SRA1: variants seen among roughly 807,000 people sequenced by gnomAD.
SRA1 encodes the protein lncRNA SRA.
Under a neutral mutation model 24.3 loss-of-function variants are expected in SRA1, and 25 were observed. The ratio of observed to expected loss-of-function variants is 1.03; its 90% CI spans 0.75 to 1.43. The LOEUF (loss-of-function observed/expected upper bound fraction) is 1.43. Ranked by LOEUF, SRA1 falls within the 40% of genes most tolerant of loss-of-function variation. SRA1 has a pLI of 0.00. For synonymous variants in SRA1, 104 were observed against 109.5 expected (o/e 0.95, Z 0.31); for missense variants, 303 against 286.6 (o/e 1.06, Z -0.41).
intron 2 of SRA1, among the ~76,000 whole-genome samples, chr5:140,553,362 T>C (rs897118859): frequency 6.7e-6 from 1 of 149,372 alleles, no homozygotes; most frequent in Non-Finnish European, 1.5e-5. Context: ...AAGTACAAAA[T>C]GAGCTGTTTT....
rs140461597 is a variant in SRA1 at position 140,552,035 on chromosome 5, C to A, written c.301G>T (p.Asp101Tyr). 2 of 1,586,386 alleles carry A rather than the reference C, an allele frequency of 1.3e-6. No individual in the cohort carries two copies. The highest frequency in any genetic ancestry group is 1.7e-6 in the Non-Finnish European group (2 of 1,165,168). ...GCCTGTTCCAAAGGTCTCAGCACAT[C>A]CTCCATCACAGCCTCAGACTCGACT... ...FPVESEAVME[D>Y]VLRPLEQALE... Residue 101 changes from aspartate to tyrosine, a missense_variant, in exon 3 of 5, where the codon GAT (aspartate) becomes TAT (tyrosine). Physicochemically the swap from Asp to Tyr is radical, Grantham distance 160. Transcript: ENST00000336283.
chr5:140,557,519 GA>G, upstream of SRA1: 1 of 1,520,216 alleles, frequency 6.6e-7, no homozygotes, highest in Non-Finnish European at 8.8e-7. Flanking sequence ...CGGGCCAGTT[GA>G]GACACGTCCA....
In SRA1 at chr5:140,550,655, C is replaced by T; in HGVS notation, c.*45G>A. 1 of 1,591,262 alleles carries T rather than the reference C, an allele frequency of 6.3e-7. No individual in the cohort carries two copies. The highest frequency in any genetic ancestry group is 8.6e-7 in the Non-Finnish European group (1 of 1,159,632). On this transcript the variant is annotated 3_prime_UTR_variant, in exon 5 of 5. Coordinates refer to ENST00000336283, the MANE Select transcript of SRA1 (RefSeq NM_001035235.4). ...AAGGGAGCCAAGTGACAGAAGGTCT[C>T]CAAGGCATAGGAGATGGTGTCCGGT...
intron 4 of SRA1, 68 bp downstream of exon 4, chr5:140,550,993 C>T: frequency 1.9e-6 from 3 of 1,576,090 alleles, no homozygotes; most frequent in Non-Finnish European, 2.6e-6. Flanking sequence ...AAAATCTCAG[C>T]ACCTGCTCCA....
intron 2 of SRA1, among the ~76,000 whole-genome samples, chr5:140,556,607 C>A (rs1754703114): frequency 6.6e-6 from 1 of 152,122 alleles, no homozygotes; most frequent in Non-Finnish European, 1.5e-5. Context: ...GTAGCACCCT[C>A]ACCACTATTT....
rs548304550 is a variant in SRA1, at chr5:140,551,864, G to A, written c.354+118C>T. 1.3e-4 allele frequency: 109 copies of A among 865,010 alleles called. 3 individuals are homozygous for A. The South Asian group carries it at 1.8e-3, about 14-fold the overall frequency. The allele number at this position is 865,010 out of a possible 1,614,324, so 53.6% of individuals were successfully genotyped here. On this transcript the variant is annotated intron_variant, in intron 3 of 4. Coordinates refer to ENST00000336283, the MANE Select transcript of SRA1 (RefSeq NM_001035235.4). The stretch of plus-strand genomic sequence containing the variant: ...GCCTTAGCAGATTCTGAAGGAGTCC[G>A]TAACTCTCAAAGGATTAAGAACCTG...
In SRA1 at chr5:140,557,466, T is replaced by C; in HGVS notation, c.-14A>G. 8 of 1,554,932 alleles carry C rather than the reference T, an allele frequency of 5.1e-6. No individual in the cohort carries two copies. Among genetic ancestry groups the C allele is most frequent in the Non-Finnish European group, 6.9e-6 (8 of 1,151,080 alleles). ...CAGCTCCGCCATCTCCACTTCCGCT[T>C]GGCCAGCGGGGCAGCGCGTCATTTC... is the stretch of plus-strand genomic sequence containing the variant. On this transcript the variant is annotated 5_prime_UTR_variant, in exon 1 of 5. Transcript: ENST00000336283.
In SRA1 at chr5:140,555,525, G is replaced by A. The variant is rs146799269; in HGVS notation, c.151+1622C>T. On this transcript the variant is annotated intron_variant, in intron 2 of 4. Coordinates refer to ENST00000336283, the MANE Select transcript of SRA1 (RefSeq NM_001035235.4). ...TGGGATTACAGCCGTGACTCACTGC[G>A]CCTGGCCTCTCCTTTTTTCTTCTTT... 1.3e-4 allele frequency among the ~76,000 whole-genome samples: 20 copies of A among 152,238 alleles called. No individual in the cohort carries two copies. The East Asian group carries it at 3.1e-3, about 23-fold the overall frequency.
Position 140,550,330 on chromosome 5 carries a change from T to C in SRA1, c.*370A>G. ...GCTCCGCCCAGCACAGGATGTGCTT[T>C]CAGTCTACTTTGGGAAAAAGTGGTA... is the stretch of plus-strand genomic sequence containing the variant. On this transcript the variant is annotated 3_prime_UTR_variant, in exon 5 of 5. Coordinates refer to ENST00000336283, the MANE Select transcript of SRA1 (RefSeq NM_001035235.4). 1 of 294,390 alleles carries C rather than the reference T, an allele frequency of 3.4e-6. No individual in the cohort carries two copies. Among genetic ancestry groups the C allele is most frequent in the Non-Finnish European group, 6.6e-6 (1 of 152,402 alleles). The allele number at this position is 294,390 out of a possible 1,614,324, so 18.2% of individuals were successfully genotyped here.
intron 2 of SRA1, among the ~76,000 whole-genome samples, chr5:140,554,812 G>A (rs1449492906): frequency 7.9e-5 from 12 of 151,916 alleles, no homozygotes. Flanking sequence ...AGCTGTTTCT[G>A]TTCTCACTAC....
rs140584772 is a variant in SRA1 at position 140,552,067 on chromosome 5, C to G, written c.269G>C (p.Ser90Thr). ...CACAGCCTCAGACTCGACTGGGAAA[C>G]TTGTGGGCTCCACGCCAGAGGCAGG... ...SGPASGVEPT[S>T]FPVESEAVME... Residue 90 changes from serine to threonine, a missense_variant, in exon 3 of 5, where the codon AGT becomes ACT. Ser to Thr is a moderately conservative substitution (Grantham distance 58). Coordinates refer to ENST00000336283, the MANE Select transcript of SRA1 (RefSeq NM_001035235.4). 6 of 1,614,052 alleles carry G rather than the reference C, an allele frequency of 3.7e-6. No individual in the cohort carries two copies. In the Admixed American group the frequency reaches 1.0e-4, roughly 27 times the overall value.
chr5:140,557,432 C>A lies in SRA1; in HGVS notation c.21G>T (p.Lys7Asn), dbSNP rs1213048869. ...TAGCCCGCCGGCTGCGCTCACCCGG[C>A]TTCACGTACAGCTCCGCCATCTCCA... MAELYV[K>N]PGNKERGWND... is the part of the protein sequence containing the mutation. The change falls in exon 1 of 5, where the codon AAG (lysine) becomes AAT (asparagine). Residue 7 changes from lysine (K) to asparagine (N), a missense_variant. Coordinates refer to ENST00000336283, the MANE Select transcript of SRA1 (RefSeq NM_001035235.4). 2 of 1,570,420 alleles carry A rather than the reference C, an allele frequency of 1.3e-6. No homozygotes were observed. Among genetic ancestry groups the A allele is most frequent in the Non-Finnish European group, 8.6e-7 (1 of 1,159,578 alleles).
chr5:140,552,653 C>CAAAA (rs1230692302), intron 2 of SRA1, among the ~76,000 whole-genome samples: 1 of 107,682 alleles, frequency 9.3e-6, no homozygotes. Flanking sequence ...AACTCTGTCT[C>CAAAA]AAAAAAAAAA....
intron 2 of SRA1, among the ~76,000 whole-genome samples, chr5:140,556,559 C>T (rs965007564): frequency 6.6e-6 from 1 of 152,128 alleles, no homozygotes; most frequent in African/African-American, 2.4e-5. Flanking sequence ...CCTCAGACAC[C>T]TCGTTACCCA....
chr5:140,557,303 C>G (rs778622129), intron 1 of SRA1, 31 bp from the exon 2 acceptor site: 5 of 1,607,784 alleles, frequency 3.1e-6, no homozygotes, highest in Admixed American at 3.3e-5. Flanking sequence ...TGAAGCGAGC[C>G]CGGAACTCCA....
rs1234415756 is a variant in SRA1, at chr5:140,557,448, G to A, written c.5C>T (p.Ala2Val). ...CTCACCCGGCTTCACGTACAGCTCC[G>A]CCATCTCCACTTCCGCTTGGCCAGC... M[A>V]ELYVKPGNKE... is the part of the protein sequence containing the mutation. The change falls in exon 1 of 5, where the codon GCG (alanine) becomes GTG (valine). Residue 2 changes from alanine (A) to valine (V), a missense_variant. Physicochemically the swap from Ala to Val is moderately conservative, Grantham distance 64. Coordinates refer to ENST00000336283, the MANE Select transcript of SRA1 (RefSeq NM_001035235.4). 17 of 1,561,546 alleles carry A rather than the reference G, an allele frequency of 1.1e-5. No individual in the cohort carries two copies. Among genetic ancestry groups the A allele is most frequent in the Non-Finnish European group, 1.2e-5 (14 of 1,154,626 alleles).
rs201688784 is a variant in SRA1 at position 140,557,106 on chromosome 5, C to A, written c.151+41G>T. 2.4e-5 allele frequency: 29 copies of A among 1,222,886 alleles called. 3 individuals are homozygous for A. In the East Asian group the frequency reaches 2.5e-4, roughly 11 times the overall value. The allele number at this position is 1,222,886 out of a possible 1,614,324, so 75.8% of individuals were successfully genotyped here. A position where few individuals can be genotyped will look rare whatever the true frequency, so the allele number is the denominator to read the frequency against. Reference sequence around the variant, plus strand: ...GGCTTATGCCTTACACCCCCCCCCCCCCATTCTCCGTCTGTCTCCGAGCAC... The same window carrying A: ...GGCTTATGCCTTACACCCCCCCCCCACCATTCTCCGTCTGTCTCCGAGCAC... On this transcript the variant is annotated intron_variant, in intron 2 of 4. Transcript: ENST00000336283.
chr5:140,552,119 G>C lies in SRA1; in HGVS notation c.217C>G (p.Pro73Ala), dbSNP rs765833173. The change falls in exon 3 of 5, where the codon CCC becomes GCC. Residue 73 changes from proline (P) to alanine (A), a missense_variant. Physicochemically the swap from Pro to Ala is conservative, Grantham distance 27. Coordinates refer to ENST00000336283, the MANE Select transcript of SRA1 (RefSeq NM_001035235.4). ...CCACTCCCCACAGGTGGGGACCTGG[G>C]AGCCTTACTTGAAGGAGGTGGAGGC... Reference protein sequence around the residue: ...MGPPPPSSKAPRSPPVGSGPA... With the variant: ...MGPPPPSSKAARSPPVGSGPA... 22 of 1,612,944 alleles carry C rather than the reference G, an allele frequency of 1.4e-5. No homozygotes were observed. Among genetic ancestry groups the C allele is most frequent in the Non-Finnish European group, 7.6e-6 (9 of 1,179,542 alleles).
At chr5:140,554,371 C>T (rs1403729914) in intron 2 of SRA1, among the ~76,000 whole-genome samples, 1 of 152,172 alleles carries the variant, frequency 6.6e-6, no homozygotes, top group Admixed American at 6.5e-5. Flanking sequence ...CCTTTCCTTG[C>T]TATCTTCTTC....
Sources: gnomAD v4.1 joint callset for allele counts (sites outside exome capture counted in the v4.1 genomes callset) on GRCh38, gnomAD v4.1.1 for gene constraint, MANE v1.5 for transcripts, NCBI Gene and HGNC (gene_info 2026-07-23, HGNC 2026-07-21) for gene names.